Variants in SPAST observed in about 807,000 individuals in gnomAD.
SPAST encodes the protein spastin.
Under a neutral mutation model 76.6 loss-of-function variants are expected in SPAST, and 30 were observed. That is an observed-to-expected ratio of 0.39 (90% CI 0.29 to 0.53). SPAST has a LOEUF of 0.53. Among genes scored for constraint, SPAST ranks in the 20% least tolerant of loss-of-function variants. The pLI, the probability that SPAST is intolerant of heterozygous loss-of-function variation, is 0.68. For synonymous variants in SPAST, 305 were observed against 281.0 expected, an observed-to-expected ratio of 1.09 and a Z score of -0.86; for missense variants, 717 against 770.5, an observed-to-expected ratio of 0.93 and a Z score of 0.82.
chr2:32,148,194 G>A (rs966094679), intron 16 of SPAST, among the ~76,000 whole-genome samples: 1 of 151,964 alleles, frequency 6.6e-6, no homozygotes. Context: ...CAGTCTCTCA[G>A]AGTGCTTGGG....
At position 32,154,689 on chromosome 2, in the gene SPAST, G is replaced by A; in HGVS notation, c.*193G>A. 1.7e-6 allele frequency: 1 copy of A among 603,522 alleles called. No homozygotes were observed. The highest frequency in any genetic ancestry group is 2.9e-6 in the Non-Finnish European group (1 of 347,492). The allele number at this position is 603,522 out of a possible 1,614,324, so 37.4% of individuals were successfully genotyped here. On this transcript the variant is annotated 3_prime_UTR_variant, in exon 17 of 17. Transcript: ENST00000315285. ...ATATACAATGCAAATGTAATTTTTT[G>A]TTGTTTAAGGCCTTGCCTTGATGGT...
chr2:32,076,736 G>T (rs1014553805), intron 1 of SPAST, among the ~76,000 whole-genome samples: 4 of 151,604 alleles, frequency 2.6e-5, no homozygotes, highest in African/African-American at 4.9e-5. Flanking sequence ...GTCCTTAAAT[G>T]AAATGGACTA....
In SPAST at chr2:32,106,574, G is replaced by A. The variant is rs540630867; in HGVS notation, c.682+7683G>A. Among the ~76,000 whole-genome samples, 7 of 152,274 alleles carry A rather than the reference G, an allele frequency of 4.6e-5. No individual in the cohort carries two copies. In the South Asian group the frequency reaches 1.4e-3, roughly 32 times the overall value. On this transcript the variant is annotated intron_variant, in intron 4 of 16. Transcript: ENST00000315285. The stretch of plus-strand genomic sequence containing the variant: ...TGCAGACTGGAGCTGTTCCTATTTG[G>A]CCATCTTGGAACCCTGCCTTCTTCA...
chr2:32,096,000 T>G lies in SPAST; in HGVS notation c.587-2796T>G, dbSNP rs543089378. On this transcript the variant is annotated intron_variant, in intron 3 of 16. Transcript: ENST00000315285. ...GTAGAAGAGTGTTATATGGTAAGGTTTTCCTCTCCAGTAGATCACTCAGAT... is the reference window on the plus strand; with the variant it reads ...GTAGAAGAGTGTTATATGGTAAGGTGTTCCTCTCCAGTAGATCACTCAGAT... 2.6e-5 allele frequency among the ~76,000 whole-genome samples: 4 copies of G among 152,274 alleles called. No individual in the cohort carries two copies. The South Asian group carries it at 8.3e-4, about 32-fold the overall frequency.
At position 32,077,381 on chromosome 2, in the gene SPAST, GAGA is replaced by G. The variant is rs563441535; in HGVS notation, c.416-10108_416-10106del. On this transcript the variant is annotated intron_variant, in intron 1 of 16. Transcript: ENST00000315285. ...ACATACAACTGTGCACACAGTTCAG[GAGA>G]AGGAGGATTTAAGTTAATCAACAAA... 3.0e-4 allele frequency among the ~76,000 whole-genome samples: 46 copies of G among 152,242 alleles called. 1 individual carries two copies. The highest frequency in any genetic ancestry group is 3.4e-3 in the Middle Eastern group (1 of 294).
chr2:32,141,811 G>A (rs914901240), intron 12 of SPAST, 93 bp from the exon 13 acceptor site: 4 of 992,888 alleles, frequency 4.0e-6, no homozygotes, highest in African/African-American at 1.6e-5. Flanking sequence ...CCAGTGCCTT[G>A]AATATTATAT....
chr2:32,152,385 T>C (rs1467362315), intron 16 of SPAST, among the ~76,000 whole-genome samples: 1 of 152,032 alleles, frequency 6.6e-6, no homozygotes, highest in Admixed American at 6.6e-5. Context: ...CTGGATAACA[T>C]GGTGAAATCC....
At chr2:32,074,873 A>G (rs1015056592) in intron 1 of SPAST, among the ~76,000 whole-genome samples, 1 of 152,098 alleles carries the variant, frequency 6.6e-6, no homozygotes, top group Non-Finnish European at 1.5e-5. Flanking sequence ...GGAAATTGAC[A>G]TTTAAGTCCT....
intron 7 of SPAST, among the ~76,000 whole-genome samples, chr2:32,124,521 C>T (rs1395440555): frequency 6.6e-6 from 1 of 152,084 alleles, no homozygotes; most frequent in Admixed American, 6.6e-5. Context: ...ACCATATGGT[C>T]CAGCAGTCTT....
intron 1 of SPAST, among the ~76,000 whole-genome samples, chr2:32,081,910 T>C (rs1573058110): frequency 6.7e-6 from 1 of 150,244 alleles, no homozygotes; most frequent in African/African-American, 2.4e-5. Context: ...CTTGATATGG[T>C]CCCTCCTTTC....
intron 7 of SPAST, among the ~76,000 whole-genome samples, chr2:32,117,429 C>G (rs550273317): frequency 1.3e-5 from 2 of 149,468 alleles, no homozygotes; most frequent in East Asian, 3.9e-4. Flanking sequence ...ACCAACGTGA[C>G]AGTGATAATA....
chr2:32,150,277 A>C (rs1680038084), intron 16 of SPAST, among the ~76,000 whole-genome samples: 1 of 122,836 alleles, frequency 8.1e-6, no homozygotes, highest in South Asian at 2.7e-4. Flanking sequence ...TTTGTAGTAG[A>C]GACAGAGTTT....
Position 32,157,468 on chromosome 2 carries a change from AACCATTTAC to A in SPAST, c.*2974_*2982del, listed in dbSNP as rs1680289731. The A allele has an allele frequency of 6.6e-6, 1 of 152,612 alleles. No homozygotes were observed. The highest frequency in any genetic ancestry group is 6.5e-5 in the Admixed American group (1 of 15,280). The allele number at this position is 152,612 out of a possible 1,614,324, so 9.5% of individuals were successfully genotyped here. ...AAAAACTAATTCTTTTGGTAAAATGAACCATTTACAGTTCGGTTTTGGACTCTGAGTCAA... is the reference window on the plus strand; with the variant it reads ...AAAAACTAATTCTTTTGGTAAAATGAAGTTCGGTTTTGGACTCTGAGTCAA... On this transcript the variant is annotated 3_prime_UTR_variant, in exon 17 of 17. Transcript: ENST00000315285.
intron 3 of SPAST, among the ~76,000 whole-genome samples, chr2:32,095,596 G>C (rs1007762325): frequency 3.3e-5 from 5 of 151,550 alleles, no homozygotes; most frequent in African/African-American, 1.2e-4. Context: ...ATAGCCAGGA[G>C]TGGTGATGTG....
chr2:32,116,768 A>C (rs1008579431), intron 7 of SPAST, among the ~76,000 whole-genome samples: 2 of 152,166 alleles, frequency 1.3e-5, no homozygotes, highest in African/African-American at 4.8e-5. Flanking sequence ...CATCTGGCCA[A>C]ATTTTGATAT....
chr2:32,133,177 A>G (rs1292690760), intron 9 of SPAST, among the ~76,000 whole-genome samples: 2 of 152,146 alleles, frequency 1.3e-5, no homozygotes, highest in African/African-American at 4.8e-5. Flanking sequence ...TATCTAGATT[A>G]TTTTCCACAA....
intron 9 of SPAST, among the ~76,000 whole-genome samples, chr2:32,135,471 T>C (rs1392485818): frequency 6.6e-6 from 1 of 152,124 alleles, no homozygotes; most frequent in African/African-American, 2.4e-5. Context: ...TGACATTTCT[T>C]TTGTTTTTAA....
intron 1 of SPAST, among the ~76,000 whole-genome samples, chr2:32,069,734 A>G (rs553882639): frequency 1.1e-4 from 16 of 150,902 alleles, no homozygotes; most frequent in African/African-American, 3.4e-4. Flanking sequence ...TTTTTTTTGT[A>G]TTTTTTAGTA....
intron 1 of SPAST, among the ~76,000 whole-genome samples, chr2:32,074,530 G>C (rs191639418): frequency 6.7e-6 from 1 of 148,932 alleles, no homozygotes; most frequent in Non-Finnish European, 1.5e-5. Context: ...TTTTAAAATA[G>C]AGTCTGGCTC....
Sources: gnomAD v4.1 joint callset for allele counts (sites outside exome capture counted in the v4.1 genomes callset) on GRCh38, gnomAD v4.1.1 for gene constraint, MANE v1.5 for transcripts, NCBI Gene and HGNC (gene_info 2026-07-23, HGNC 2026-07-21) for gene names.